Variants in TLL1 observed in about 807,000 individuals in gnomAD.
TLL1 encodes tolloid-like protein 1.
TLL1 carries 49 observed loss-of-function variants against 128.2 expected under a neutral mutation model. That is an observed-to-expected ratio of 0.38 (90% CI 0.30 to 0.48). The LOEUF (loss-of-function observed/expected upper bound fraction) is 0.48, where lower values mean the gene tolerates loss of function less well. TLL1 is among the 20% of genes least tolerant of loss of function. The pLI is 0.96. For synonymous variants in TLL1, 454 were observed against 418.8 expected (o/e 1.08, Z -1.03); for missense variants, 1,123 against 1,242.0 (o/e 0.90, Z 1.44).
intron 1 of TLL1, among the ~76,000 whole-genome samples, chr4:165,919,342 C>T (rs564605480): frequency 6.9e-6 from 1 of 145,786 alleles, no homozygotes; most frequent in African/African-American, 2.5e-5. Flanking sequence ...GTGATCACAC[C>T]ACTGCACTCC....
At chr4:165,910,057 G>A (rs903678231) in intron 1 of TLL1, among the ~76,000 whole-genome samples, 1 of 152,124 alleles carries the variant, frequency 6.6e-6, no homozygotes, top group African/African-American at 2.4e-5. Flanking sequence ...ACAGAAGCAT[G>A]ATCTACAAGG....
chr4:165,951,483 T>C (rs1734513783), intron 1 of TLL1, among the ~76,000 whole-genome samples: 1 of 152,172 alleles, frequency 6.6e-6, no homozygotes, highest in Non-Finnish European at 1.5e-5. Flanking sequence ...ATTATCTTCA[T>C]TTAGACAGTT....
chr4:165,926,211 A>G (rs565056655), intron 1 of TLL1, among the ~76,000 whole-genome samples: 1 of 152,304 alleles, frequency 6.6e-6, no homozygotes, highest in Admixed American at 6.5e-5. Flanking sequence ...CAGGAAGTAT[A>G]TATTGAAATA....
At chr4:165,994,337 A>G (rs1356307305) in intron 3 of TLL1, 44 bp from the exon 4 acceptor site, 1 of 1,613,058 alleles carries the variant, frequency 6.2e-7, no homozygotes. Context: ...TGATTCCCTG[A>G]CCAAGAACTT....
intron 1 of TLL1, among the ~76,000 whole-genome samples, chr4:165,930,084 C>T (rs1733447755): frequency 6.6e-6 from 1 of 152,158 alleles, no homozygotes; most frequent in African/African-American, 2.4e-5. Context: ...ATCAGTACAG[C>T]TTTACTGATT....
Position 165,874,084 on chromosome 4 carries a change from C to A in TLL1, c.169+11C>A. 1 of 1,614,078 alleles carries A rather than the reference C, an allele frequency of 6.2e-7. No individual in the cohort carries two copies. The highest frequency in any genetic ancestry group is 8.5e-7 in the Non-Finnish European group (1 of 1,179,984). ...ACCCGTGTAAAGCCGGTAAGTGGCT[C>A]TCCAGGTTGGGACGGTGGCGCGCCG... On this transcript the variant is annotated intron_variant, in intron 1 of 20. Coordinates refer to ENST00000061240, the MANE Select transcript of TLL1 (RefSeq NM_012464.5).
Position 166,101,047 on chromosome 4 carries a change from C to T in TLL1, c.*171C>T. ...AAAGAGAAGTTTCCAGCAAAACCCT[C>T]ATCAGCATTACAAGGATATTTGAAC... On this transcript the variant is annotated 3_prime_UTR_variant, in exon 21 of 21. Coordinates refer to ENST00000061240, the MANE Select transcript of TLL1 (RefSeq NM_012464.5). 1 of 762,272 alleles carries T rather than the reference C, an allele frequency of 1.3e-6. No homozygotes were observed. Among genetic ancestry groups the T allele is most frequent in the Non-Finnish European group, 2.1e-6 (1 of 482,756 alleles). The allele number at this position is 762,272 out of a possible 1,614,324, so 47.2% of individuals were successfully genotyped here. A position where few individuals can be genotyped will look rare whatever the true frequency, so the allele number is the denominator to read the frequency against.
At chr4:166,058,394 G>T (rs1459396911) in intron 14 of TLL1, among the ~76,000 whole-genome samples, 1 of 152,058 alleles carries the variant, frequency 6.6e-6, no homozygotes, top group Non-Finnish European at 1.5e-5. Context: ...CTAATATCTA[G>T]CACAGTCAGA....
At chr4:166,005,981 C>G (rs1449824177) in intron 6 of TLL1, among the ~76,000 whole-genome samples, 1 of 151,696 alleles carries the variant, frequency 6.6e-6, no homozygotes, top group Non-Finnish European at 1.5e-5. Context: ...GGTGAGATTT[C>G]CTGAATGATG....
At chr4:166,073,396 T>G (rs1165910210) in intron 16 of TLL1, among the ~76,000 whole-genome samples, 3 of 152,192 alleles carry the variant, frequency 2.0e-5, no homozygotes, top group African/African-American at 4.8e-5. Flanking sequence ...TCTCTAAAAT[T>G]AATTTTACAA....
At chr4:165,886,385 A>G (rs1731163921) in intron 1 of TLL1, among the ~76,000 whole-genome samples, 1 of 152,234 alleles carries the variant, frequency 6.6e-6, no homozygotes, top group Non-Finnish European at 1.5e-5. Context: ...AAATTAATAC[A>G]AGCACTATTT....
chr4:165,966,111 G>A (rs1225675631), intron 1 of TLL1, among the ~76,000 whole-genome samples: 1 of 151,566 alleles, frequency 6.6e-6, no homozygotes, highest in African/African-American at 2.4e-5. Flanking sequence ...CTGGGAGGTG[G>A]AGGTTGCAGT....
At chr4:166,051,282 C>T (rs1382755894) in intron 12 of TLL1, among the ~76,000 whole-genome samples, 4 of 132,558 alleles carry the variant, frequency 3.0e-5, no homozygotes, top group African/African-American at 1.2e-4. Context: ...TCCCTCCCTT[C>T]TTTCTTCCCT....
chr4:165,900,762 C>T (rs1325109789), intron 1 of TLL1, among the ~76,000 whole-genome samples: 5 of 152,088 alleles, frequency 3.3e-5, no homozygotes, highest in African/African-American at 1.2e-4. Context: ...CTCTGTATTT[C>T]CTGAATTTGA....
chr4:166,080,297 A>G (rs1432089024), intron 18 of TLL1, among the ~76,000 whole-genome samples: 3 of 152,062 alleles, frequency 2.0e-5, no homozygotes, highest in African/African-American at 4.8e-5. Flanking sequence ...CTGCATCCCT[A>G]TGGTTTATTT....
chr4:166,042,859 C>G (rs920317768), intron 11 of TLL1, among the ~76,000 whole-genome samples: 7 of 152,284 alleles, frequency 4.6e-5, no homozygotes, highest in African/African-American at 1.7e-4. Flanking sequence ...ATGACACTAA[C>G]TCGCTGCCAG....
intron 19 of TLL1, among the ~76,000 whole-genome samples, chr4:166,096,312 G>A (rs963219753): frequency 1.3e-5 from 2 of 151,708 alleles, no homozygotes; most frequent in Non-Finnish European, 2.9e-5. Context: ...GGTGTGCACT[G>A]CAACAGATAA....
intron 17 of TLL1, 70 bp downstream of exon 17, chr4:166,075,073 C>T: frequency 6.3e-7 from 1 of 1,590,106 alleles, no homozygotes. Context: ...GCACTGCTTC[C>T]AAGTAGAGTT....
chr4:166,074,536 A>T (rs2292081), intron 16 of TLL1, among the ~76,000 whole-genome samples: 1 of 151,978 alleles, frequency 6.6e-6, no homozygotes, highest in Admixed American at 6.6e-5. Context: ...TTATTTTTTT[A>T]AATTGGCAAT....
Sources: allele counts gnomAD v4.1 joint callset (sites outside exome capture counted in the v4.1 genomes callset), GRCh38; gene constraint gnomAD v4.1.1; transcripts MANE v1.5; gene names NCBI Gene and HGNC (gene_info 2026-07-23, HGNC 2026-07-21).